Variants in USB1 observed in about 807,000 individuals in gnomAD.
The protein encoded by USB1 is U6 snRNA biogenesis phosphodiesterase 1.
Under a neutral mutation model 29.9 loss-of-function variants are expected in USB1, and 21 were observed. That is an observed-to-expected ratio of 0.70 (90% CI 0.50 to 1.01). USB1 has a LOEUF of 1.01. USB1 is among the 50% of genes least tolerant of loss of function. The probability of loss-of-function intolerance (pLI) is 0.00; values close to 1 mark genes in which losing one functional copy is unlikely to be tolerated. For missense variants in USB1, 330 were observed against 347.1 expected, an observed-to-expected ratio of 0.95 and a Z score of 0.39; for synonymous variants, 143 against 134.9, an observed-to-expected ratio of 1.06 and a Z score of -0.42.
chr16:58,001,667 A>T, intron 1 of USB1, 86 bp downstream of exon 1: 9 of 1,417,198 alleles, frequency 6.4e-6, no homozygotes, highest in Non-Finnish European at 7.8e-6. Context: ...TGGAGTGGGG[A>T]GGGAGGATGC....
Position 58,001,526 on chromosome 16 carries a change from G to A in USB1, c.43G>A (p.Glu15Lys), listed in dbSNP as rs1303871646. Residue 15 changes from glutamate (E) to lysine (K), a missense_variant, in exon 1 of 7, where the codon GAG becomes AAG. Glu to Lys is a moderately conservative substitution (Grantham distance 56, BLOSUM62 1). Coordinates refer to ENST00000219281, the MANE Select transcript of USB1 (RefSeq NM_024598.4). ...PLVGYSSSGS[E>K]DESEDGMRTR... is the part of the protein sequence containing the mutation. ...GGTGGGCTACAGCAGCAGCGGCTCCGAGGATGAGTCCGAGGACGGGATGCG... is the reference window on the plus strand; with the variant it reads ...GGTGGGCTACAGCAGCAGCGGCTCCAAGGATGAGTCCGAGGACGGGATGCG... 1.9e-6 allele frequency: 3 copies of A among 1,608,926 alleles called. No homozygotes were observed. The highest frequency in any genetic ancestry group is 2.5e-6 in the Non-Finnish European group (3 of 1,178,158).
chr16:58,018,952 C>T lies in USB1; in HGVS notation c.610-20C>T. ...GCCAAGGCGTCCGGGTGACTGCCTG[C>T]CTCTCGTTTCCCTCCCCAGGATCCT... On this transcript the variant is annotated intron_variant, in intron 5 of 6. Transcript: ENST00000219281. The T allele has an allele frequency of 1.9e-6, 3 of 1,613,670 alleles. No individual in the cohort carries two copies. The highest frequency in any genetic ancestry group is 2.5e-6 in the Non-Finnish European group (3 of 1,179,704).
rs1209101097 is a variant in USB1, at chr16:58,020,700, G to GTCCTCTATCTCTTCCCC, written c.*471_*487dup. On this transcript the variant is annotated 3_prime_UTR_variant, in exon 7 of 7. Coordinates refer to ENST00000219281, the MANE Select transcript of USB1 (RefSeq NM_024598.4). ...CTCTTCCCCTCCTCTCTCTCTTCCT[G>GTCCTCTATCTCTTCCCC]TCCTCTATCTCTTCCCCTCCTCTAT... is the stretch of plus-strand genomic sequence containing the variant. 2.8e-5 allele frequency: 5 copies of GTCCTCTATCTCTTCCCC among 178,720 alleles called. No individual in the cohort carries two copies. The highest frequency in any genetic ancestry group is 2.3e-4 in the Admixed American group (3 of 13,258). 11.1% of individuals were successfully genotyped at this position (178,720 alleles called of 1,614,324 possible).
chr16:58,018,535 G>A (rs1963670935), intron 5 of USB1, among the ~76,000 whole-genome samples: 1 of 152,026 alleles, frequency 6.6e-6, no homozygotes. Context: ...AGCGTGGTCG[G>A]TTTCTGGTGA....
At chr16:58,015,680 A>G (rs1489070478) in intron 4 of USB1, 1 of 152,174 alleles carries the variant, frequency 6.6e-6, no homozygotes, top group Non-Finnish European at 1.5e-5. Context: ...AGGAGTGGGT[A>G]GTCCAGGAGG....
At chr16:58,010,750 G>C in intron 3 of USB1, 1 of 484,824 alleles carries the variant, frequency 2.1e-6, no homozygotes, top group Non-Finnish European at 3.7e-6. Flanking sequence ...TGAAGAGATA[G>C]GTAGGGTGAG....
intron 3 of USB1, chr16:58,012,756 T>G: frequency 6.8e-6 from 7 of 1,035,210 alleles, no homozygotes; most frequent in Non-Finnish European, 7.0e-6. Flanking sequence ...GCTATGTTAG[T>G]GCTGATGACT....
intron 5 of USB1, among the ~76,000 whole-genome samples, chr16:58,017,935 CAAT>C (rs1334344760): frequency 1.3e-5 from 2 of 152,110 alleles, no homozygotes; most frequent in African/African-American, 2.4e-5. Context: ...TGAATGGAGA[CAAT>C]TATTGTTGCT....
In USB1 at chr16:58,011,901, A is replaced by G. The variant is rs184676356; in HGVS notation, c.449+1789A>G. ...GTGCGGGAATGAGGGAGCCTAGAGA[A>G]TATCTTTCTGGATCCTCTACTGTTG... On this transcript the variant is annotated intron_variant, in intron 3 of 6. Transcript: ENST00000219281. 6.0e-6 allele frequency: 6 copies of G among 1,006,078 alleles called. No homozygotes were observed. The Admixed American group carries it at 1.7e-4, about 28-fold the overall frequency. The allele number at this position is 1,006,078 out of a possible 1,614,324, so 62.3% of individuals were successfully genotyped here. A position where few individuals can be genotyped will look rare whatever the true frequency, so the allele number is the denominator to read the frequency against.
chr16:58,018,527 C>T (rs542704566), intron 5 of USB1, among the ~76,000 whole-genome samples: 5 of 152,134 alleles, frequency 3.3e-5, no homozygotes, highest in East Asian at 1.9e-4. Context: ...CCCGGCCAAG[C>T]GTGGTCGGTT....
chr16:58,012,427 G>T, intron 3 of USB1: 1 of 1,292,076 alleles, frequency 7.7e-7, no homozygotes, highest in South Asian at 1.3e-5. Context: ...GCTCATGCAT[G>T]AGTGGACCGG....
At chr16:58,010,298 C>A (rs1029727617) in intron 3 of USB1, 186 bp downstream of exon 3, 1 of 673,120 alleles carries the variant, frequency 1.5e-6, no homozygotes, top group Non-Finnish European at 2.5e-6. Flanking sequence ...AAGCTCTTGA[C>A]ACCCCTGATG....
chr16:58,009,572 A>C lies in USB1; in HGVS notation c.266-357A>C, dbSNP rs531333349. Among the ~76,000 whole-genome samples, 6 of 151,824 alleles carry C rather than the reference A, an allele frequency of 4.0e-5. No individual in the cohort carries two copies. The South Asian group carries it at 1.0e-3, about 26-fold the overall frequency. ...GTCTCTACTAAAAATACAAAAAAAA[A>C]ATATTATCCAGGCGTGGTGGCGGGC... On this transcript the variant is annotated intron_variant, in intron 2 of 6. Coordinates refer to ENST00000219281, the MANE Select transcript of USB1 (RefSeq NM_024598.4).
intron 2 of USB1, among the ~76,000 whole-genome samples, chr16:58,003,847 C>T (rs1366384686): frequency 6.6e-6 from 1 of 151,992 alleles, no homozygotes; most frequent in Non-Finnish European, 1.5e-5. Context: ...AATAATAGTC[C>T]TTTATCAGAT....
chr16:58,011,122 C>T, intron 3 of USB1: 1 of 1,214,978 alleles, frequency 8.2e-7, no homozygotes, highest in East Asian at 2.5e-5. Context: ...GGATCACAGA[C>T]CAGATAATAG....
At position 58,003,641 on chromosome 16, in the gene USB1, CT is replaced by C. The variant is rs1030801972; in HGVS notation, c.265+1001del. On this transcript the variant is annotated intron_variant, in intron 2 of 6. Coordinates refer to ENST00000219281, the MANE Select transcript of USB1 (RefSeq NM_024598.4). ...TATGATCCAGATCATCTTTTCAATG[CT>C]TTTTGCCATCTGTGTATCTTCCTCA... Among the ~76,000 whole-genome samples the C allele has an allele frequency of 1.3e-4, 20 of 152,250 alleles. 1 individual carries two copies. Among genetic ancestry groups the C allele is most frequent in the Admixed American group, 3.9e-4 (6 of 15,284 alleles).
At position 58,002,245 on chromosome 16, in the gene USB1, C is replaced by T. The variant is rs60934247; in HGVS notation, c.99-234C>T. Among the ~76,000 whole-genome samples, 730 of 152,294 alleles carry T rather than the reference C, an allele frequency of 4.8e-3. 7 individuals are homozygous for T. Among genetic ancestry groups the T allele is most frequent in the African/African-American group, 0.017 (687 of 41,556 alleles). Reference sequence around the variant, plus strand: ...CAGCTTGGAAATGTGACCCCTGAACCACATTGTTGCATGCCCTGTTGTTTC... The same window carrying T: ...CAGCTTGGAAATGTGACCCCTGAACTACATTGTTGCATGCCCTGTTGTTTC... On this transcript the variant is annotated intron_variant, in intron 1 of 6. Coordinates refer to ENST00000219281, the MANE Select transcript of USB1 (RefSeq NM_024598.4).
rs1485326347 is a variant in USB1, at chr16:58,014,048, T to A, written c.450-225T>A. On this transcript the variant is annotated intron_variant, in intron 3 of 6. Coordinates refer to ENST00000219281, the MANE Select transcript of USB1 (RefSeq NM_024598.4). ...ACTGCTATTAACAAAGTAAAATTTT[T>A]ACTAGCACCTGGATGATGTTGTGTG... is the stretch of plus-strand genomic sequence containing the variant. 5.5e-6 allele frequency: 3 copies of A among 543,248 alleles called. No individual in the cohort carries two copies. The Admixed American group carries it at 9.7e-5, about 17-fold the overall frequency. The allele number at this position is 543,248 out of a possible 1,614,324, so 33.7% of individuals were successfully genotyped here. A position where few individuals can be genotyped will look rare whatever the true frequency, so the allele number is the denominator to read the frequency against.
intron 4 of USB1, chr16:58,015,848 A>T (rs1963603080): frequency 6.6e-6 from 1 of 152,250 alleles, no homozygotes; most frequent in Admixed American, 6.5e-5. Flanking sequence ...GAGGCCAGTG[A>T]GGCAGACCCC....
Sources: gnomAD v4.1 joint callset for allele counts (sites outside exome capture counted in the v4.1 genomes callset) on GRCh38, gnomAD v4.1.1 for gene constraint, MANE v1.5 for transcripts, NCBI Gene and HGNC (gene_info 2026-07-23, HGNC 2026-07-21) for gene names.